Variants in RUFY3 observed in about 807,000 individuals in gnomAD.
RUFY3 encodes the protein RUN and FYVE domain containing 3.
A neutral mutation model predicts 84.0 loss-of-function variants in RUFY3; 34 were observed. The ratio of observed to expected loss-of-function variants is 0.40; its 90% CI spans 0.31 to 0.54. The LOEUF is 0.54. Ranked by LOEUF, RUFY3 falls within the 20% of genes least tolerant of loss-of-function variation. The pLI is 0.39. For missense variants in RUFY3, 507 were observed against 736.8 expected, an observed-to-expected ratio of 0.69 and a Z score of 3.61; for synonymous variants, 242 against 252.9, an observed-to-expected ratio of 0.96 and a Z score of 0.41.
intron 12 of RUFY3, chr4:70,793,422 T>A (rs1731108852): frequency 3.8e-6 from 4 of 1,050,510 alleles, no homozygotes; most frequent in Non-Finnish European, 4.6e-6. Flanking sequence ...GAAATTTTTT[T>A]AAAAAGTGGA....
rs776984178 is a variant in RUFY3 at position 70,778,362 on chromosome 4, A to G, written c.825-7A>G. ...AAAGTGACTTTTTTTTCTTCTCTAT[A>G]TTATAGTGCTACTGTAAACAACCTT... On this transcript the variant is annotated splice_polypyrimidine_tract_variant and splice_region_variant and intron_variant, in intron 7 of 17. Transcript: ENST00000381006. 4.5e-6 allele frequency: 7 copies of G among 1,541,224 alleles called. No homozygotes were observed. Among genetic ancestry groups the G allele is most frequent in the African/African-American group, 4.1e-5 (3 of 73,270 alleles).
Position 70,733,337 on chromosome 4 carries a change from TTAA to T in RUFY3, c.178+10592_178+10594del, listed in dbSNP as rs555986637. 1.4e-3 allele frequency among the ~76,000 whole-genome samples: 209 copies of T among 152,304 alleles called. 2 individuals are homozygous for T. Among genetic ancestry groups the T allele is most frequent in the East Asian group, 9.4e-3 (49 of 5,190 alleles). Reference sequence around the variant, plus strand: ...TAATAATTTGTTGTTTAAATATATCTTAATAATACGTAGTATTGATAAAAATAT... The same window carrying T: ...TAATAATTTGTTGTTTAAATATATCTTAATACGTAGTATTGATAAAAATAT... On this transcript the variant is annotated intron_variant, in intron 1 of 17. Transcript: ENST00000381006.
chr4:70,779,103 A>T (rs1253330964), intron 8 of RUFY3, among the ~76,000 whole-genome samples: 1 of 152,238 alleles, frequency 6.6e-6, no homozygotes, highest in Non-Finnish European at 1.5e-5. Flanking sequence ...AGCTAGACAA[A>T]TATTTATATG....
At position 70,807,698 on chromosome 4, in the gene RUFY3, C is replaced by T. The variant is rs2148826805; in HGVS notation, c.*1039C>T. Among the ~76,000 whole-genome samples, 1 of 145,720 alleles carries T rather than the reference C, an allele frequency of 6.9e-6. No individual in the cohort carries two copies. Among genetic ancestry groups the T allele is most frequent in the Admixed American group, 6.9e-5 (1 of 14,404 alleles). On this transcript the variant is annotated 3_prime_UTR_variant, in exon 18 of 18. Transcript: ENST00000381006. The stretch of plus-strand genomic sequence containing the variant: ...TTTTTTTTGGCCGGGGAGGGGGTCT[C>T]ATTGGTTGCTCAGCCTGGTCTCAAA...
intron 1 of RUFY3, among the ~76,000 whole-genome samples, chr4:70,725,355 A>C (rs1439872870): frequency 2.0e-5 from 3 of 147,902 alleles, no homozygotes; most frequent in Non-Finnish European, 4.5e-5. Flanking sequence ...TTTGAGACAG[A>C]GTTTTGTTCT....
At chr4:70,714,186 C>T (rs1240723918) in intron 1 of RUFY3, among the ~76,000 whole-genome samples, 1 of 152,136 alleles carries the variant, frequency 6.6e-6, no homozygotes, top group Non-Finnish European at 1.5e-5. Context: ...CATGCTATGT[C>T]ACACTCTTTC....
At chr4:70,795,941 TAGG>T (rs1731446627) in intron 14 of RUFY3, among the ~76,000 whole-genome samples, 1 of 152,324 alleles carries the variant, frequency 6.6e-6, no homozygotes, top group South Asian at 2.1e-4. Context: ...AGGAATGAGT[TAGG>T]AGCATATTTC....
upstream of RUFY3, among the ~76,000 whole-genome samples, chr4:70,720,638 G>A (rs1464986059): frequency 6.6e-6 from 1 of 152,062 alleles, no homozygotes; most frequent in East Asian, 1.9e-4. Flanking sequence ...CAGAAATTAG[G>A]TAAATCAAGA....
intron 10 of RUFY3, 138 bp from the exon 11 acceptor site, chr4:70,788,667 GA>G (rs1216063271): frequency 9.4e-6 from 7 of 746,056 alleles, no homozygotes; most frequent in Non-Finnish European, 1.4e-5. Context: ...TAATGTCTCT[GA>G]AAATGAATGG....
chr4:70,776,654 T>C (rs1408546783), intron 7 of RUFY3, among the ~76,000 whole-genome samples: 1 of 152,140 alleles, frequency 6.6e-6, no homozygotes, highest in Non-Finnish European at 1.5e-5. Context: ...CAGGCGCCTG[T>C]AGTCCCAGCT....
At chr4:70,776,104 T>C (rs937197172) in intron 7 of RUFY3, among the ~76,000 whole-genome samples, 2 of 152,208 alleles carry the variant, frequency 1.3e-5, no homozygotes, top group African/African-American at 4.8e-5. Context: ...TTCCCCCTTA[T>C]GTGGAGGGGA....
Position 70,722,524 on chromosome 4 carries a change from TGTGA to T in RUFY3, c.-46_-43del. 1.3e-6 allele frequency: 2 copies of T among 1,567,838 alleles called. No homozygotes were observed. Among genetic ancestry groups the T allele is most frequent in the Non-Finnish European group, 1.7e-6 (2 of 1,152,800 alleles). Reference sequence around the variant, plus strand: ...TGTATTTATTTTTTTGGTGTGTGTGTGTGAGTGTGTGTGTGTCTGTGTGTGTGTT... The same window carrying T: ...TGTATTTATTTTTTTGGTGTGTGTGTGTGTGTGTGTGTCTGTGTGTGTGTT... On this transcript the variant is annotated 5_prime_UTR_variant, in exon 1 of 18. Transcript: ENST00000381006.
chr4:70,753,691 T>G (rs1723502358), intron 1 of RUFY3, among the ~76,000 whole-genome samples: 1 of 152,210 alleles, frequency 6.6e-6, no homozygotes, highest in African/African-American at 2.4e-5. Flanking sequence ...CTAGTTCATT[T>G]GGTATCAATC....
upstream of RUFY3, among the ~76,000 whole-genome samples, chr4:70,717,957 A>G (rs1382981984): frequency 1.6e-5 from 2 of 127,612 alleles, no homozygotes; most frequent in Admixed American, 1.1e-4. Context: ...ATCTTGGCTT[A>G]CTGCAACCTC....
chr4:70,742,756 G>C (rs529946824), intron 1 of RUFY3, among the ~76,000 whole-genome samples: 20 of 152,242 alleles, frequency 1.3e-4, no homozygotes, highest in Admixed American at 1.2e-3. Flanking sequence ...CAGTAGATCT[G>C]GTCATTACCA....
intron 1 of RUFY3, among the ~76,000 whole-genome samples, chr4:70,713,580 AGGTGTGGG>A (rs1741243026): frequency 6.6e-6 from 1 of 152,202 alleles, no homozygotes; most frequent in South Asian, 2.1e-4. Context: ...TTTGGAAGAA[AGGTGTGGG>A]AACCTTATGA....
intron 7 of RUFY3, among the ~76,000 whole-genome samples, chr4:70,777,845 A>T (rs1728220407): frequency 6.6e-6 from 1 of 152,208 alleles, no homozygotes; most frequent in African/African-American, 2.4e-5. Flanking sequence ...TTCTGTAGGG[A>T]ATGAACTCTT....
chr4:70,775,962 A>G (rs974186647), intron 7 of RUFY3, among the ~76,000 whole-genome samples: 5 of 151,960 alleles, frequency 3.3e-5, no homozygotes, highest in African/African-American at 4.8e-5. Context: ...AAAAAACGAA[A>G]AAAAAGATAC....
upstream of RUFY3, among the ~76,000 whole-genome samples, chr4:70,720,796 TTA>T (rs2148581754): frequency 6.6e-6 from 1 of 152,140 alleles, no homozygotes; most frequent in East Asian, 1.9e-4. Flanking sequence ...AAGAAAATTC[TTA>T]TTCTTCTCTT....
Sources: allele counts gnomAD v4.1 joint callset (sites outside exome capture counted in the v4.1 genomes callset), GRCh38; gene constraint gnomAD v4.1.1; transcripts MANE v1.5; gene names NCBI Gene and HGNC (gene_info 2026-07-23, HGNC 2026-07-21).